MAGI2: variants seen among roughly 807,000 people sequenced by gnomAD.
MAGI2 encodes the protein membrane associated guanylate kinase, WW and PDZ domain containing 2, also known as membrane-associated guanylate kinase, WW and PDZ domain-containing protein 2.
MAGI2 carries 35 observed loss-of-function variants against 133.3 expected under a neutral mutation model. The ratio of observed to expected loss-of-function variants is 0.26; its 90% CI spans 0.20 to 0.35. The LOEUF (loss-of-function observed/expected upper bound fraction) is 0.35. Ranked by LOEUF, MAGI2 falls within the 10% of genes least tolerant of loss-of-function variation. The pLI, the probability that MAGI2 is intolerant of heterozygous loss-of-function variation, is 1.00. For synonymous variants in MAGI2, 729 were observed against 710.6 expected (o/e 1.03, Z -0.41); for missense variants, 1,636 against 1,863.4 (o/e 0.88, Z 2.25).
At chr7:79,380,949 T>C (rs1388095184) in intron 1 of MAGI2, among the ~76,000 whole-genome samples, 4 of 151,828 alleles carry the variant, frequency 2.6e-5, no homozygotes, top group Admixed American at 2.0e-4. Context: ...TGTATATACT[T>C]GGTAACAATG....
intron 2 of MAGI2, among the ~76,000 whole-genome samples, chr7:78,944,730 T>C (rs989322125): frequency 1.3e-5 from 2 of 151,338 alleles, no homozygotes; most frequent in Non-Finnish European, 2.9e-5. Flanking sequence ...TATTTATTTA[T>C]TTATTTATTT....
chr7:78,857,921 A>C (rs1793802313), intron 2 of MAGI2, among the ~76,000 whole-genome samples: 1 of 152,132 alleles, frequency 6.6e-6, no homozygotes, highest in Admixed American at 6.5e-5. Flanking sequence ...TCATTGCCTC[A>C]ATTTCAGAAC....
chr7:78,831,924 T>C (rs1024299964), intron 2 of MAGI2, among the ~76,000 whole-genome samples: 2 of 152,188 alleles, frequency 1.3e-5, no homozygotes, highest in Non-Finnish European at 1.5e-5. Flanking sequence ...TTTTCACAAC[T>C]GAACTTTAAA....
intron 3 of MAGI2, among the ~76,000 whole-genome samples, chr7:78,581,817 G>A (rs1275694064): frequency 6.6e-6 from 1 of 152,152 alleles, no homozygotes; most frequent in Non-Finnish European, 1.5e-5. Flanking sequence ...GAGGACTGTT[G>A]TGGAGAGGTG....
chr7:78,282,743 A>C lies in MAGI2; in HGVS notation c.1409-26162T>G, dbSNP rs151099397. The stretch of plus-strand genomic sequence containing the variant: ...AAAATGGTGCAGGGTGATTCAACTG[A>C]TCAATCTGGATTAAGATATTTAGCT... On this transcript the variant is annotated intron_variant, in intron 9 of 21. Transcript: ENST00000354212. Among the ~76,000 whole-genome samples, 132 of 152,210 alleles carry C rather than the reference A, an allele frequency of 8.7e-4. 1 individual carries two copies. Among genetic ancestry groups the C allele is most frequent in the African/African-American group, 3.2e-3 (132 of 41,552 alleles).
chr7:78,154,168 A>G (rs567929605), intron 16 of MAGI2, among the ~76,000 whole-genome samples: 1 of 152,220 alleles, frequency 6.6e-6, no homozygotes, highest in South Asian at 2.1e-4. Flanking sequence ...AATCTCTAGG[A>G]TAAGTTTTAA....
intron 2 of MAGI2, among the ~76,000 whole-genome samples, chr7:78,873,652 T>C (rs1018023977): frequency 5.3e-5 from 8 of 152,124 alleles, no homozygotes; most frequent in Admixed American, 4.6e-4. Context: ...AGAAATAAAG[T>C]GTACAATAAA....
chr7:78,967,845 T>G (rs1002850033), intron 2 of MAGI2, among the ~76,000 whole-genome samples: 3 of 152,102 alleles, frequency 2.0e-5, no homozygotes, highest in African/African-American at 7.2e-5. Flanking sequence ...TGTTTGTTTG[T>G]TTTGAGATGG....
At chr7:78,279,245 C>A (rs1235819621) in intron 9 of MAGI2, among the ~76,000 whole-genome samples, 1 of 152,106 alleles carries the variant, frequency 6.6e-6, no homozygotes, top group East Asian at 1.9e-4. Context: ...CTCAGTTAAA[C>A]ACACAGAAAT....
chr7:78,625,667 AC>A (rs2150951130), intron 3 of MAGI2, among the ~76,000 whole-genome samples: 1 of 152,276 alleles, frequency 6.6e-6, no homozygotes, highest in East Asian at 1.9e-4. Context: ...TAATGGACTC[AC>A]CCAGAGCAAC....
At chr7:78,279,651 T>G (rs1462728941) in intron 9 of MAGI2, among the ~76,000 whole-genome samples, 1 of 152,114 alleles carries the variant, frequency 6.6e-6, no homozygotes, top group African/African-American at 2.4e-5. Context: ...TAACCCATGT[T>G]CCTGTGTTCA....
chr7:78,559,629 A>G (rs1436584287), intron 3 of MAGI2, among the ~76,000 whole-genome samples: 1 of 152,150 alleles, frequency 6.6e-6, no homozygotes, highest in Admixed American at 6.5e-5. Flanking sequence ...ACAGAGTAGA[A>G]AAAATACCCG....
At chr7:79,119,944 G>A (rs1819740753) in intron 1 of MAGI2, among the ~76,000 whole-genome samples, 2 of 152,086 alleles carry the variant, frequency 1.3e-5, no homozygotes, top group Admixed American at 1.3e-4. Flanking sequence ...GTGTTGCCCT[G>A]AGTCATTTTT....
intron 10 of MAGI2, among the ~76,000 whole-genome samples, chr7:78,205,537 A>T (rs1432656170): frequency 1.3e-5 from 2 of 152,238 alleles, no homozygotes; most frequent in Non-Finnish European, 2.9e-5. Flanking sequence ...TTTTGGATGT[A>T]AGTATGTTCC....
At chr7:78,793,773 G>T (rs572081553) in intron 2 of MAGI2, among the ~76,000 whole-genome samples, 1 of 152,084 alleles carries the variant, frequency 6.6e-6, no homozygotes, top group Non-Finnish European at 1.5e-5. Flanking sequence ...ATTAGTATTT[G>T]GTCAGTTCAA....
At chr7:78,398,128 T>C (rs989145897) in intron 6 of MAGI2, among the ~76,000 whole-genome samples, 1 of 152,166 alleles carries the variant, frequency 6.6e-6, no homozygotes. Flanking sequence ...CATGCTGTAA[T>C]CAGCTAGAAG....
intron 3 of MAGI2, among the ~76,000 whole-genome samples, chr7:78,613,880 G>A (rs1318057959): frequency 6.6e-6 from 1 of 151,840 alleles, no homozygotes; most frequent in Non-Finnish European, 1.5e-5. Flanking sequence ...AGGCTGAGGT[G>A]GGTGGATTAC....
chr7:78,681,101 C>T (rs914032858), intron 2 of MAGI2, among the ~76,000 whole-genome samples: 2 of 152,076 alleles, frequency 1.3e-5, no homozygotes, highest in Admixed American at 1.3e-4. Context: ...CCCTCAGACT[C>T]CCCCGACAAG....
At chr7:78,096,342 G>A (rs1393265718) in intron 20 of MAGI2, among the ~76,000 whole-genome samples, 2 of 152,178 alleles carry the variant, frequency 1.3e-5, no homozygotes, top group Non-Finnish European at 2.9e-5. Context: ...CTCTGAGAAT[G>A]GGAATTATGG....
Sources: gnomAD v4.1 joint callset for allele counts (sites outside exome capture counted in the v4.1 genomes callset) on GRCh38, gnomAD v4.1.1 for gene constraint, MANE v1.5 for transcripts, NCBI Gene and HGNC (gene_info 2026-07-23, HGNC 2026-07-21) for gene names.